CTDSPL2: variants seen among roughly 807,000 people sequenced by gnomAD.
The protein encoded by CTDSPL2 is CTD small phosphatase-like protein 2.
In CTDSPL2, 5 loss-of-function variants were observed where a neutral mutation model predicts 60.0. The ratio of observed to expected loss-of-function variants is 0.08; its 90% CI spans 0.04 to 0.18. The LOEUF (loss-of-function observed/expected upper bound fraction) is 0.18, where lower values mean the gene tolerates loss of function less well. Ranked by LOEUF, CTDSPL2 falls within the 10% of genes least tolerant of loss-of-function variation. The pLI, the probability that CTDSPL2 is intolerant of heterozygous loss-of-function variation, is 1.00. For synonymous variants in CTDSPL2, 186 were observed against 189.3 expected (o/e 0.98, Z 0.14); for missense variants, 370 against 548.8 (o/e 0.67, Z 3.26).
chr15:44,470,850 GT>G (rs2080793972), intron 2 of CTDSPL2, among the ~76,000 whole-genome samples: 1 of 151,716 alleles, frequency 6.6e-6, no homozygotes, highest in Non-Finnish European at 1.5e-5. Flanking sequence ...CCCATCTTTT[GT>G]TTCTCTTTTC....
At chr15:44,430,820 CT>C (rs199558968) in intron 1 of CTDSPL2, among the ~76,000 whole-genome samples, 1,651 of 147,718 alleles carry the variant, frequency 0.011, 39 homozygotes, top group East Asian at 0.089. Flanking sequence ...TCATTTGCTA[CT>C]TTTTTTTTTG....
At chr15:44,430,899 G>A (rs963016566) in intron 1 of CTDSPL2, among the ~76,000 whole-genome samples, 33 of 151,648 alleles carry the variant, frequency 2.2e-4, no homozygotes, top group Non-Finnish European at 1.5e-4. Flanking sequence ...TTGGCTCAGT[G>A]CAGACTCCAC....
At chr15:44,474,549 A>C (rs1033804002) in intron 2 of CTDSPL2, among the ~76,000 whole-genome samples, 2 of 152,008 alleles carry the variant, frequency 1.3e-5, no homozygotes, top group African/African-American at 4.8e-5. Context: ...CCAACTTGCT[A>C]AACGTGGCTA....
chr15:44,482,534 G>C (rs1023638874), intron 2 of CTDSPL2, among the ~76,000 whole-genome samples: 1 of 152,150 alleles, frequency 6.6e-6, no homozygotes, highest in Non-Finnish European at 1.5e-5. Context: ...TATTATTTCT[G>C]TTCTTCAAAG....
At chr15:44,480,557 A>G (rs942010633) in intron 2 of CTDSPL2, among the ~76,000 whole-genome samples, 2 of 152,078 alleles carry the variant, frequency 1.3e-5, no homozygotes, top group Non-Finnish European at 2.9e-5. Context: ...CCCCTTAATT[A>G]CCTATCTTAG....
chr15:44,492,408 C>T (rs2081231979), intron 5 of CTDSPL2, among the ~76,000 whole-genome samples: 1 of 152,138 alleles, frequency 6.6e-6, no homozygotes, highest in South Asian at 2.1e-4. Context: ...TCCTGAGTTA[C>T]AGTGGTTCAA....
At chr15:44,455,147 G>T (rs543200176) in intron 1 of CTDSPL2, among the ~76,000 whole-genome samples, 123 of 152,270 alleles carry the variant, frequency 8.1e-4, no homozygotes, top group African/African-American at 2.6e-3. Flanking sequence ...CACATCCCTT[G>T]TAAGTTGGAT....
chr15:44,518,268 C>G (rs2081694228), intron 10 of CTDSPL2, among the ~76,000 whole-genome samples: 1 of 151,992 alleles, frequency 6.6e-6, no homozygotes, highest in Non-Finnish European at 1.5e-5. Context: ...TAGAGTACTT[C>G]AAGGTAGAAA....
At chr15:44,471,636 T>C (rs990282237) in intron 2 of CTDSPL2, among the ~76,000 whole-genome samples, 2 of 152,188 alleles carry the variant, frequency 1.3e-5, no homozygotes, top group African/African-American at 2.4e-5. Flanking sequence ...CACTATGTTG[T>C]ATAGTAGTAT....
intron 1 of CTDSPL2, among the ~76,000 whole-genome samples, chr15:44,440,437 C>G (rs2080062216): frequency 6.6e-6 from 1 of 152,114 alleles, no homozygotes; most frequent in South Asian, 2.1e-4. Flanking sequence ...CTCAGGTGAT[C>G]TGCCTGCCTT....
chr15:44,476,085 T>C (rs1400142475), intron 2 of CTDSPL2, among the ~76,000 whole-genome samples: 4 of 152,194 alleles, frequency 2.6e-5, no homozygotes, highest in Admixed American at 6.5e-5. Context: ...TTTTTTATTT[T>C]GAGATGGAGT....
intron 2 of CTDSPL2, among the ~76,000 whole-genome samples, chr15:44,465,085 C>T (rs150649299): frequency 2.6e-5 from 4 of 152,124 alleles, no homozygotes; most frequent in African/African-American, 9.7e-5. Flanking sequence ...GTTAGGGCTT[C>T]AACATAAACT....
At chr15:44,494,122 A>G (rs377558132) in intron 5 of CTDSPL2, among the ~76,000 whole-genome samples, 2 of 152,110 alleles carry the variant, frequency 1.3e-5, no homozygotes, top group Non-Finnish European at 2.9e-5. Context: ...GACGTTACCT[A>G]TTTGGCTTGT....
Position 44,524,145 on chromosome 15 carries a change from C to T in CTDSPL2, c.1372C>T (p.Arg458Cys), listed in dbSNP as rs1234526076. The T allele has an allele frequency of 6.2e-7, 1 of 1,613,926 alleles. No homozygotes were observed. The highest frequency in any genetic ancestry group is 8.5e-7 in the Non-Finnish European group (1 of 1,179,918). The change falls in exon 13 of 13, where the codon CGC becomes TGC. Residue 458 changes from arginine (R) to cysteine (C), a missense_variant. This residue lies in a region of CTDSPL2 where 46 missense variants were observed against 126.0 expected (regional missense o/e 0.37). Transcript: ENST00000260327. ...DVRPHIRDRF[R>C]LHDLLPPD is the part of the protein sequence containing the mutation. ...TCGACCACACATCAGAGACAGATTT[C>T]GCTTGCATGATTTGCTGCCCCCAGA...
chr15:44,483,056 C>T (rs1441667700), intron 2 of CTDSPL2, among the ~76,000 whole-genome samples: 4 of 151,780 alleles, frequency 2.6e-5, no homozygotes, highest in South Asian at 2.1e-4. Context: ...GTCAGGAGTT[C>T]GAGACCAGCC....
In CTDSPL2 at chr15:44,435,203, G is replaced by A. The variant is rs1033689559; in HGVS notation, c.-25+7431G>A. Among the ~76,000 whole-genome samples the A allele has an allele frequency of 4.0e-5, 6 of 148,816 alleles. No individual in the cohort carries two copies. In the South Asian group the frequency reaches 1.1e-3, roughly 26 times the overall value. ...ACCCGGGAGGCAGAGGTTACAGTGA[G>A]CCGAGATCACGCCACTGTGCCCTAG... On this transcript the variant is annotated intron_variant, in intron 1 of 12. Transcript: ENST00000260327.
At chr15:44,460,257 C>T (rs1018033468) in intron 2 of CTDSPL2, among the ~76,000 whole-genome samples, 16 of 152,082 alleles carry the variant, frequency 1.1e-4, no homozygotes, top group Admixed American at 7.2e-4. Context: ...ACTACAGGCG[C>T]CCGCCACCAC....
intron 10 of CTDSPL2, among the ~76,000 whole-genome samples, chr15:44,516,248 G>A (rs562431748): frequency 3.2e-4 from 49 of 152,148 alleles, no homozygotes; most frequent in Admixed American, 5.9e-4. Context: ...CATTACAGGC[G>A]TGAGCCACTG....
At chr15:44,507,598 C>A (rs1335912938) in intron 8 of CTDSPL2, among the ~76,000 whole-genome samples, 1 of 152,130 alleles carries the variant, frequency 6.6e-6, no homozygotes, top group African/African-American at 2.4e-5. Flanking sequence ...CCTGAATAAC[C>A]CTCTTTCTTT....
Sources: gnomAD v4.1 joint callset for allele counts (sites outside exome capture counted in the v4.1 genomes callset) on GRCh38, gnomAD v4.1.1 for gene constraint, gnomAD v4.1.1 regional missense constraint, MANE v1.5 for transcripts, NCBI Gene and HGNC (gene_info 2026-07-23, HGNC 2026-07-21) for gene names.